Variants in BLNK observed in about 807,000 individuals in gnomAD.
BLNK encodes B-cell linker protein.
In BLNK, 29 loss-of-function variants were observed where a neutral mutation model predicts 73.5. The observed-to-expected ratio is 0.39, with a 90% confidence interval of 0.29 to 0.54. The LOEUF (loss-of-function observed/expected upper bound fraction) is 0.54. Ranked by LOEUF, BLNK falls within the 20% of genes least tolerant of loss-of-function variation. The pLI is 0.61. For missense variants in BLNK, 460 were observed against 562.8 expected (o/e 0.82, Z 1.85); for synonymous variants, 176 against 200.8 (o/e 0.88, Z 1.04).
Position 96,247,682 on chromosome 10 carries a change from C to T in BLNK, c.48-633G>A, listed in dbSNP as rs147259820. Among the ~76,000 whole-genome samples, 113 of 152,280 alleles carry T rather than the reference C, an allele frequency of 7.4e-4. 3 individuals are homozygous for T. The East Asian group carries it at 0.019, about 26-fold the overall frequency. ...ATCAGAGGCTACTACCTTTGCACTGCGTTATAGATGAGAAATGGAAAGTGC... is the reference window on the plus strand; with the variant it reads ...ATCAGAGGCTACTACCTTTGCACTGTGTTATAGATGAGAAATGGAAAGTGC... On this transcript the variant is annotated intron_variant, in intron 1 of 16. Transcript: ENST00000224337.
chr10:96,256,868 G>A (rs1185407476), intron 1 of BLNK, among the ~76,000 whole-genome samples: 1 of 109,546 alleles, frequency 9.1e-6, no homozygotes, highest in Non-Finnish European at 1.7e-5. Context: ...GCGACAGAGT[G>A]AGACTCCATC....
At chr10:96,256,696 C>T (rs558355027) in intron 1 of BLNK, among the ~76,000 whole-genome samples, 5 of 152,138 alleles carry the variant, frequency 3.3e-5, no homozygotes, top group East Asian at 1.9e-4. Context: ...GCCTGGCCAA[C>T]ATGGTGAAAC....
At chr10:96,212,464 A>C (rs1216786428) in intron 8 of BLNK, among the ~76,000 whole-genome samples, 1 of 152,216 alleles carries the variant, frequency 6.6e-6, no homozygotes, top group Non-Finnish European at 1.5e-5. Flanking sequence ...TTTCAGAGGA[A>C]GAAACTAAGA....
rs375675858 is a variant in BLNK, at chr10:96,209,949, C to T, written c.677-42G>A. ...ACTACTCAGTCCCCAAGTCCTGAGC[C>T]GGGGGCTGATGCTCACACTGAGGCT... On this transcript the variant is annotated intron_variant, in intron 8 of 16. Coordinates refer to ENST00000224337, the MANE Select transcript of BLNK (RefSeq NM_013314.4). The T allele has an allele frequency of 1.8e-3, 2,814 of 1,604,972 alleles. 8 individuals carry two copies. The highest frequency in any genetic ancestry group is 2.1e-3 in the Non-Finnish European group (2,404 of 1,171,620).
intron 4 of BLNK, among the ~76,000 whole-genome samples, chr10:96,228,304 CTA>C (rs587628660): frequency 1.2e-3 from 184 of 152,172 alleles, no homozygotes; most frequent in African/African-American, 4.2e-3. Flanking sequence ...GTCGCCCAGG[CTA>C]GAGTGCAGTG....
intron 13 of BLNK, 31 bp from the exon 14 acceptor site, chr10:96,201,089 A>G (rs782530378): frequency 4.4e-6 from 7 of 1,578,008 alleles, no homozygotes; most frequent in Non-Finnish European, 5.2e-6. Context: ...CCTTCAATTA[A>G]TCTTCATATT....
intron 5 of BLNK, among the ~76,000 whole-genome samples, chr10:96,225,043 G>A (rs782792052): frequency 1.3e-5 from 2 of 152,190 alleles, no homozygotes; most frequent in Non-Finnish European, 2.9e-5. Flanking sequence ...CGACCTTAGA[G>A]ATCTTGAGGG....
rs1378255071 is a variant in BLNK, at chr10:96,216,461, G to T, written c.607+192C>A. Reference sequence around the variant, plus strand: ...AAGAGGAAGGGGAAGGCAGGGAAGGGCTATGATACACAGAGATGGGTTGTC... The same window carrying T: ...AAGAGGAAGGGGAAGGCAGGGAAGGTCTATGATACACAGAGATGGGTTGTC... On this transcript the variant is annotated intron_variant, in intron 7 of 16. Coordinates refer to ENST00000224337, the MANE Select transcript of BLNK (RefSeq NM_013314.4). 3 of 632,202 alleles carry T rather than the reference G, an allele frequency of 4.7e-6. No homozygotes were observed. In the Admixed American group the frequency reaches 7.4e-5, roughly 16 times the overall value. 39.2% of individuals were successfully genotyped at this position (632,202 alleles called of 1,614,324 possible).
chr10:96,205,192 G>T (rs2083764610), intron 11 of BLNK: 1 of 157,506 alleles, frequency 6.3e-6, no homozygotes, highest in Non-Finnish European at 1.4e-5. Context: ...AGGAAAGGGT[G>T]GGAAATGAGC....
At chr10:96,199,314 C>T (rs183977924) in intron 15 of BLNK, among the ~76,000 whole-genome samples, 15 of 152,328 alleles carry the variant, frequency 9.8e-5, no homozygotes, top group Admixed American at 2.0e-4. Context: ...GGTGTTCCTA[C>T]ATGATTGAAG....
chr10:96,210,132 G>T, intron 8 of BLNK: 1 of 588,228 alleles, frequency 1.7e-6, no homozygotes, highest in Non-Finnish European at 3.1e-6. Context: ...TGGGATGGGG[G>T]TTAGGGACTC....
chr10:96,224,223 C>T (rs1383638982), intron 5 of BLNK, among the ~76,000 whole-genome samples: 3 of 152,212 alleles, frequency 2.0e-5, no homozygotes. Flanking sequence ...CCTTCCGGGG[C>T]AGTGATGGAC....
intron 1 of BLNK, among the ~76,000 whole-genome samples, chr10:96,258,557 G>C (rs548481091): frequency 6.6e-6 from 1 of 152,274 alleles, no homozygotes; most frequent in Admixed American, 6.5e-5. Context: ...AGTCATACCT[G>C]TTCCTTCCCC....
chr10:96,190,048 T>A lies in BLNK; in HGVS notation c.*1925A>T. 1 of 810,232 alleles carries A rather than the reference T, an allele frequency of 1.2e-6. No homozygotes were observed. Among genetic ancestry groups the A allele is most frequent in the Non-Finnish European group, 2.2e-6 (1 of 461,654 alleles). The allele number at this position is 810,232 out of a possible 1,614,324, so 50.2% of individuals were successfully genotyped here. On this transcript the variant is annotated 3_prime_UTR_variant, in exon 17 of 17. Transcript: ENST00000224337. ...ATTCATTGCCTCTGCTTCAACAATG[T>A]GCAGTTCATCCTTTGCACCAGCCCC...
At chr10:96,215,781 A>C (rs893577243) in intron 7 of BLNK, 8 of 178,690 alleles carry the variant, frequency 4.5e-5, no homozygotes, top group Admixed American at 2.8e-4. Context: ...TAATAGCTCC[A>C]CCTCCCCTAC....
At chr10:96,255,809 G>C (rs1843483395) in intron 1 of BLNK, among the ~76,000 whole-genome samples, 1 of 152,066 alleles carries the variant, frequency 6.6e-6, no homozygotes, top group Non-Finnish European at 1.5e-5. Flanking sequence ...CATGCTGTGA[G>C]GGCTTGTTAG....
intron 1 of BLNK, among the ~76,000 whole-genome samples, chr10:96,256,706 C>T (rs1345095828): frequency 6.6e-6 from 1 of 151,954 alleles, no homozygotes; most frequent in African/African-American, 2.4e-5. Flanking sequence ...CATGGTGAAA[C>T]CTTTGCTCTA....
At chr10:96,260,147 C>T (rs1253211335) in intron 1 of BLNK, among the ~76,000 whole-genome samples, 1 of 152,150 alleles carries the variant, frequency 6.6e-6, no homozygotes, top group Non-Finnish European at 1.5e-5. Context: ...AAAACTTCCT[C>T]ACAAAACTAC....
chr10:96,238,916 A>G (rs1842791092), intron 3 of BLNK: 1 of 387,938 alleles, frequency 2.6e-6, no homozygotes, highest in African/African-American at 2.1e-5. Flanking sequence ...TTTCTTAAAT[A>G]TGATTTACAT....
Sources: gnomAD v4.1 joint callset for allele counts (sites outside exome capture counted in the v4.1 genomes callset) on GRCh38, gnomAD v4.1.1 for gene constraint, MANE v1.5 for transcripts, NCBI Gene and HGNC (gene_info 2026-07-23, HGNC 2026-07-21) for gene names.